Variants in OPCML observed in about 807,000 individuals in gnomAD.
OPCML encodes the protein opioid-binding protein/cell adhesion molecule.
A neutral mutation model predicts 37.8 loss-of-function variants in OPCML; 13 were observed. The ratio of observed to expected loss-of-function variants is 0.34; its 90% confidence interval spans 0.22 to 0.55. The LOEUF (loss-of-function observed/expected upper bound fraction) is 0.55, where lower values mean the gene tolerates loss of function less well. OPCML is among the 20% of genes least tolerant of loss of function. The pLI is 0.91. For missense variants in OPCML, 341 were observed against 435.6 expected (o/e 0.78, Z 1.93); for synonymous variants, 176 against 168.8 (o/e 1.04, Z -0.33).
chr11:133,195,743 G>C (rs937545555), intron 1 of OPCML, among the ~76,000 whole-genome samples: 5 of 152,144 alleles, frequency 3.3e-5, no homozygotes, highest in Non-Finnish European at 1.5e-5. Context: ...CTTCCCATAA[G>C]ATTATAAGCT....
At chr11:133,366,053 C>A (rs773691551) in intron 1 of OPCML, 6 of 152,232 alleles carry the variant, frequency 3.9e-5, no homozygotes, top group Non-Finnish European at 7.3e-5. Flanking sequence ...TCTTCCACAC[C>A]CCACGTTTTC....
intron 2 of OPCML, among the ~76,000 whole-genome samples, chr11:132,708,362 C>G (rs1010344951): frequency 2.0e-5 from 3 of 152,138 alleles, no homozygotes; most frequent in Non-Finnish European, 2.9e-5. Flanking sequence ...TTGTAATCCC[C>G]CAAATGTAAG....
chr11:133,258,326 T>C lies in OPCML; in HGVS notation c.61+273938A>G, dbSNP rs532210573. On this transcript the variant is annotated intron_variant, in intron 1 of 7. Transcript: ENST00000524381. The stretch of plus-strand genomic sequence containing the variant: ...ATGTCAGGAGCTAATGAACATATTA[T>C]CTTGGTAGGAAAGACTGGCTCTACA... Among the ~76,000 whole-genome samples, 96 of 152,304 alleles carry C rather than the reference T, an allele frequency of 6.3e-4. 1 individual carries two copies. The highest frequency in any genetic ancestry group is 2.1e-3 in the African/African-American group (87 of 41,558).
chr11:133,202,284 C>T (rs535254542), intron 1 of OPCML, among the ~76,000 whole-genome samples: 6 of 152,128 alleles, frequency 3.9e-5, no homozygotes, highest in Non-Finnish European at 5.9e-5. Context: ...ACCTGTCCGC[C>T]GAACCCATCC....
chr11:132,650,141 T>C (rs1382352685), intron 3 of OPCML, among the ~76,000 whole-genome samples: 4 of 152,180 alleles, frequency 2.6e-5, no homozygotes, highest in African/African-American at 9.7e-5. Flanking sequence ...ATCTTTCTCT[T>C]CCACCTTCTC....
intron 3 of OPCML, among the ~76,000 whole-genome samples, chr11:132,604,281 T>TA (rs111516512): frequency 0.32 from 47,123 of 148,216 alleles, 9,226 homozygotes; most frequent in East Asian, 0.85. Context: ...TTTATTTTCG[T>TA]AAAAAAAAAA....
At chr11:132,486,091 T>C (rs1363523769) in intron 4 of OPCML, among the ~76,000 whole-genome samples, 2 of 152,220 alleles carry the variant, frequency 1.3e-5, no homozygotes, top group Admixed American at 6.5e-5. Context: ...GCCATTGTAG[T>C]GTGAGTCAAG....
At chr11:132,591,012 C>T (rs2096483503) in intron 3 of OPCML, among the ~76,000 whole-genome samples, 1 of 152,184 alleles carries the variant, frequency 6.6e-6, no homozygotes, top group African/African-American at 2.4e-5. Flanking sequence ...CTATTTAAAA[C>T]CAATGTCCCC....
At chr11:132,954,073 T>C (rs1377430847) in intron 1 of OPCML, among the ~76,000 whole-genome samples, 2 of 152,248 alleles carry the variant, frequency 1.3e-5, no homozygotes, top group Non-Finnish European at 2.9e-5. Context: ...TTTATATTGT[T>C]CATTTATTTT....
At chr11:132,776,271 CAGCAT>C (rs1198109954) in intron 2 of OPCML, among the ~76,000 whole-genome samples, 1 of 152,240 alleles carries the variant, frequency 6.6e-6, no homozygotes, top group Non-Finnish European at 1.5e-5. Context: ...GGTGGTTTTA[CAGCAT>C]AGCTATTAAC....
intron 1 of OPCML, among the ~76,000 whole-genome samples, chr11:133,379,740 A>T (rs934489899): frequency 3.9e-5 from 6 of 152,240 alleles, no homozygotes; most frequent in Non-Finnish European, 5.9e-5. Context: ...TCTATGGTCA[A>T]ATGATTTTGC....
chr11:132,794,167 A>G (rs1244092297), intron 2 of OPCML, among the ~76,000 whole-genome samples: 1 of 152,198 alleles, frequency 6.6e-6, no homozygotes, highest in Non-Finnish European at 1.5e-5. Context: ...CCTCCCAGGT[A>G]AACTCCTTAA....
At chr11:133,448,881 A>G (rs56024629) in intron 1 of OPCML, among the ~76,000 whole-genome samples, 12,065 of 152,290 alleles carry the variant, frequency 0.079, 1,527 homozygotes, top group African/African-American at 0.27. Context: ...CATGATCACA[A>G]TGAATATTGT....
intron 1 of OPCML, among the ~76,000 whole-genome samples, chr11:133,124,087 G>A (rs1337315969): frequency 6.6e-6 from 1 of 151,948 alleles, no homozygotes; most frequent in South Asian, 2.1e-4. Context: ...ACCCAATGGA[G>A]AGAAGGAAAT....
At chr11:132,967,694 T>A (rs1238055159) in intron 1 of OPCML, among the ~76,000 whole-genome samples, 1 of 152,222 alleles carries the variant, frequency 6.6e-6, no homozygotes, top group Non-Finnish European at 1.5e-5. Context: ...GCATTTATAC[T>A]GCCTTTTATA....
chr11:133,389,289 G>C (rs1945119295), intron 1 of OPCML, among the ~76,000 whole-genome samples: 1 of 152,208 alleles, frequency 6.6e-6, no homozygotes, highest in Non-Finnish European at 1.5e-5. Context: ...GAATTACACT[G>C]AGAGATAGAT....
chr11:133,367,962 C>T (rs531372957), intron 1 of OPCML, among the ~76,000 whole-genome samples: 105 of 152,312 alleles, frequency 6.9e-4, no homozygotes, highest in African/African-American at 2.4e-3. Flanking sequence ...GTCTCCCTGG[C>T]CAGCTACAAA....
chr11:133,340,614 G>C (rs965773493), intron 1 of OPCML, among the ~76,000 whole-genome samples: 57 of 97,900 alleles, frequency 5.8e-4, no homozygotes, highest in Middle Eastern at 4.1e-3. Context: ...CTCTCTGTGT[G>C]TGTGTGTGTG....
chr11:133,138,071 G>C (rs1014729533), intron 1 of OPCML, among the ~76,000 whole-genome samples: 20 of 152,110 alleles, frequency 1.3e-4, no homozygotes, highest in Non-Finnish European at 1.5e-5. Flanking sequence ...TTGGGTCCTG[G>C]GGGTGGATTC....
Sources: allele counts gnomAD v4.1 joint callset (sites outside exome capture counted in the v4.1 genomes callset), GRCh38; gene constraint gnomAD v4.1.1; transcripts MANE v1.5; gene names NCBI Gene and HGNC (gene_info 2026-07-23, HGNC 2026-07-21).